Variants in TRPA1 observed in about 807,000 individuals in gnomAD.
The protein encoded by TRPA1 is ankyrin-like with transmembrane domains 1.
A neutral mutation model predicts 131.3 loss-of-function variants in TRPA1; 129 were observed. The observed-to-expected ratio is 0.98, with a 90% CI of 0.85 to 1.14. The LOEUF (loss-of-function observed/expected upper bound fraction) is 1.14. TRPA1 is among the 50% of genes most tolerant of loss of function. The pLI, the probability that TRPA1 is intolerant of heterozygous loss-of-function variation, is 0.00. For synonymous variants in TRPA1, 441 were observed against 451.7 expected, an observed-to-expected ratio of 0.98 and a Z score of 0.30; for missense variants, 1,304 against 1,354.2, an observed-to-expected ratio of 0.96 and a Z score of 0.58.
chr8:72,039,024 C>T lies in TRPA1; in HGVS notation c.2136G>A (p.Leu712=), dbSNP rs778695063. The change falls in exon 19 of 27, where the codon TTG becomes TTA. Residue 712 remains leucine, a synonymous_variant. Transcript: ENST00000262209. Reference sequence around the variant, plus strand: ...TCATATGAGCTCTAAATCCATAAGCCAACCTACAAAAATATAAGCAAACCA... The same window carrying T: ...TCATATGAGCTCTAAATCCATAAGCTAACCTACAAAAATATAAGCAAACCA... ...VCKEYLLMKW[L]AYGFRAHMMN... is the part of the protein sequence containing the mutation. The T allele has an allele frequency of 6.2e-7, 1 of 1,612,110 alleles. No homozygotes were observed. The highest frequency in any genetic ancestry group is 2.2e-5 in the East Asian group (1 of 44,746).
chr8:72,022,264 T>G lies in TRPA1; in HGVS notation c.*642A>C, dbSNP rs1585826000. ...AAAACCAGAAACAACATATATTATC[T>G]ATAGTAAAATTCGTGCATATCATAA... On this transcript the variant is annotated 3_prime_UTR_variant, in exon 27 of 27. Transcript: ENST00000262209. The G allele has an allele frequency of 6.4e-6, 1 of 155,898 alleles. No individual in the cohort carries two copies. Among genetic ancestry groups the G allele is most frequent in the Non-Finnish European group, 1.4e-5 (1 of 70,398 alleles). 9.7% of individuals were successfully genotyped at this position (155,898 alleles called of 1,614,324 possible).
At chr8:72,072,717 T>C (rs1165003927) in intron 1 of TRPA1, among the ~76,000 whole-genome samples, 1 of 152,222 alleles carries the variant, frequency 6.6e-6, no homozygotes, top group African/African-American at 2.4e-5. Context: ...GTACTTGAAT[T>C]TGATATGCTC....
At chr8:72,081,667 G>A in the TRPA1 span, among the ~76,000 whole-genome samples, 1 of 151,700 alleles carries the variant, frequency 6.6e-6, no homozygotes, top group Admixed American at 6.6e-5. Context: ...TCCATTGAGC[G>A]AGTGTCTTTG....
At chr8:72,065,844 C>T (rs1805918655) in intron 3 of TRPA1, among the ~76,000 whole-genome samples, 1 of 152,114 alleles carries the variant, frequency 6.6e-6, no homozygotes, top group East Asian at 1.9e-4. Context: ...CATAGCTTCA[C>T]TTAATACTTC....
intron 26 of TRPA1, chr8:72,023,553 A>G (rs1811473691): frequency 6.8e-6 from 3 of 442,836 alleles, no homozygotes; most frequent in South Asian, 4.8e-5. Context: ...ACAGTTTATG[A>G]TACTACCTCC....
At position 72,023,258 on chromosome 8, in the gene TRPA1, C is replaced by T. The variant is rs1811461678; in HGVS notation, c.3150-142G>A. The T allele has an allele frequency of 9.1e-6, 7 of 766,938 alleles. No individual in the cohort carries two copies. In the Admixed American group the frequency reaches 1.1e-4, roughly 12 times the overall value. The allele number at this position is 766,938 out of a possible 1,614,324, so 47.5% of individuals were successfully genotyped here. ...TTAACCTCGGTAGTCACAATCCTTC[C>T]AGGAAACATGTATTTTTGAAGTTTA... On this transcript the variant is annotated intron_variant, in intron 26 of 26. Transcript: ENST00000262209.
At chr8:72,057,245 C>T (rs1805691954) in intron 9 of TRPA1, among the ~76,000 whole-genome samples, 1 of 151,964 alleles carries the variant, frequency 6.6e-6, no homozygotes, top group Admixed American at 6.6e-5. Flanking sequence ...ATATGTGATG[C>T]ATTACATAAA....
intron 3 of TRPA1, among the ~76,000 whole-genome samples, chr8:72,067,981 T>C (rs10098884): frequency 0.3 from 45,186 of 152,084 alleles, 7,074 homozygotes; most frequent in Middle Eastern, 0.44. Flanking sequence ...GACACACCTC[T>C]TCCCTCAAGG....
At chr8:72,057,912 T>C in intron 8 of TRPA1, 96 bp from the exon 9 acceptor site, 1 of 924,570 alleles carries the variant, frequency 1.1e-6, no homozygotes. Context: ...TGATACAGAG[T>C]GTCTATATTA....
intron 17 of TRPA1, among the ~76,000 whole-genome samples, chr8:72,042,363 A>T (rs917107868): frequency 3.9e-5 from 6 of 151,974 alleles, no homozygotes; most frequent in Non-Finnish European, 7.4e-5. Flanking sequence ...CCACAACGAG[A>T]TACCACTTCG....
At position 72,046,557 on chromosome 8, in the gene TRPA1, T is replaced by A; in HGVS notation, c.2017A>T (p.Thr673Ser). 1 of 1,597,900 alleles carries A rather than the reference T, an allele frequency of 6.3e-7. No individual in the cohort carries two copies. Among genetic ancestry groups the A allele is most frequent in the Non-Finnish European group, 8.6e-7 (1 of 1,168,484 alleles). The change falls in exon 17 of 27, where the codon ACA becomes TCA. Residue 673 changes from threonine to serine, a missense_variant. Physicochemically the swap from Thr to Ser is moderately conservative, Grantham distance 58. Coordinates refer to ENST00000262209, the MANE Select transcript of TRPA1 (RefSeq NM_007332.3). ...TCATATATAACATCCTGTGTAGGTG[T>A]TTTTTTGGTGAATTCTAATGGACAT... ...LQCPLEFTKK[T>S]PTQDVIYEPL...
intron 7 of TRPA1, among the ~76,000 whole-genome samples, chr8:72,060,816 C>T (rs991766180): frequency 8.7e-5 from 13 of 150,200 alleles, no homozygotes; most frequent in South Asian, 2.1e-4. Flanking sequence ...TGGTTTGCTG[C>T]GTGCATTTAT....
At chr8:72,084,496 T>G in the TRPA1 span, among the ~76,000 whole-genome samples, 2 of 151,952 alleles carry the variant, frequency 1.3e-5, no homozygotes, top group Non-Finnish European at 2.9e-5. Flanking sequence ...TTTTTGTTTC[T>G]TATGAAATGT....
At position 72,075,512 on chromosome 8, in the gene TRPA1, GC is replaced by G. The variant is rs1352570162; in HGVS notation, c.-104del. 9.5e-6 allele frequency: 9 copies of G among 944,300 alleles called. No individual in the cohort carries two copies. The East Asian group carries it at 2.2e-4, about 23-fold the overall frequency. 58.5% of individuals were successfully genotyped at this position (944,300 alleles called of 1,614,324 possible). ...CTGCCAGGCGCTGGGGTCCGCGCGAGCCCGAGCTCTCCCGCGCTGCAGCTCA... is the reference window on the plus strand; with the variant it reads ...CTGCCAGGCGCTGGGGTCCGCGCGAGCCGAGCTCTCCCGCGCTGCAGCTCA... On this transcript the variant is annotated 5_prime_UTR_variant, in exon 1 of 27. Coordinates refer to ENST00000262209, the MANE Select transcript of TRPA1 (RefSeq NM_007332.3).
At chr8:72,052,796 GGTGACA>G in intron 13 of TRPA1, 31 bp from the exon 14 acceptor site, 1 of 1,611,006 alleles carries the variant, frequency 6.2e-7, no homozygotes, top group Non-Finnish European at 8.5e-7. Context: ...CAGAAAACGT[GGTGACA>G]GTGTCTAATC....
chr8:72,032,779 T>A (rs1370082909), intron 23 of TRPA1, among the ~76,000 whole-genome samples: 8 of 152,134 alleles, frequency 5.3e-5, no homozygotes, highest in Non-Finnish European at 1.2e-4. Context: ...TGGAGATGTA[T>A]CAAATAATTG....
chr8:72,062,777 T>C (rs764582730), intron 6 of TRPA1, 22 bp downstream of exon 6: 3 of 1,611,672 alleles, frequency 1.9e-6, no homozygotes, highest in East Asian at 4.5e-5. Flanking sequence ...ATAAAAGTGT[T>C]ATATAGAATA....
intron 21 of TRPA1, among the ~76,000 whole-genome samples, chr8:72,035,652 A>T (rs755788359): frequency 4.9e-4 from 74 of 152,172 alleles, no homozygotes; most frequent in Non-Finnish European, 1.0e-3. Flanking sequence ...TTCCCTGTCT[A>T]GAATTAGATT....
chr8:72,080,022 A>G (rs772063037), upstream of TRPA1, among the ~76,000 whole-genome samples: 1 of 151,982 alleles, frequency 6.6e-6, no homozygotes, highest in African/African-American at 2.4e-5. Context: ...AGTATTACTA[A>G]CTTTGCTTAT....
Sources: gnomAD v4.1 joint callset for allele counts (sites outside exome capture counted in the v4.1 genomes callset) on GRCh38, gnomAD v4.1.1 for gene constraint, MANE v1.5 for transcripts, NCBI Gene and HGNC (gene_info 2026-07-23, HGNC 2026-07-21) for gene names.